Variants in KCNMB2 observed in about 807,000 individuals in gnomAD.
KCNMB2 encodes the protein potassium calcium-activated channel subfamily M regulatory beta subunit 2.
Under a neutral mutation model 24.5 loss-of-function variants are expected in KCNMB2, and 9 were observed. That is an observed-to-expected ratio of 0.37 (90% CI 0.22 to 0.64). KCNMB2 has a LOEUF of 0.64. KCNMB2 is among the 30% of genes least tolerant of loss of function. The pLI is 0.63. For missense variants in KCNMB2, 226 were observed against 284.3 expected (o/e 0.79, Z 1.47); for synonymous variants, 109 against 104.4 (o/e 1.04, Z -0.27).
intron 1 of KCNMB2, among the ~76,000 whole-genome samples, chr3:178,683,991 C>G (rs1054432905): frequency 6.6e-6 from 1 of 152,146 alleles, no homozygotes; most frequent in Admixed American, 6.5e-5. Flanking sequence ...TGGAGATACT[C>G]ACTGCTATAC....
chr3:178,741,237 C>G (rs865929588), intron 1 of KCNMB2, among the ~76,000 whole-genome samples: 2 of 152,170 alleles, frequency 1.3e-5, no homozygotes, highest in Non-Finnish European at 2.9e-5. Context: ...AGATATTTAA[C>G]CTTGCTCACT....
intron 1 of KCNMB2, among the ~76,000 whole-genome samples, chr3:178,781,199 T>C (rs1453856259): frequency 4.1e-5 from 6 of 147,960 alleles, no homozygotes; most frequent in African/African-American, 1.5e-4. Context: ...TTTAAAATTA[T>C]ATATGTGACA....
chr3:178,541,223 T>C (rs1715605439), intron 1 of KCNMB2, among the ~76,000 whole-genome samples: 2 of 152,156 alleles, frequency 1.3e-5, no homozygotes, highest in Non-Finnish European at 2.9e-5. Context: ...TCAAAGCAAA[T>C]AAAAATTCAA....
chr3:178,690,320 C>CA lies in KCNMB2; in HGVS notation c.-67-117013dup, dbSNP rs1019940102. Reference sequence around the variant, plus strand: ...TATTCATCAAATCATAGTGCTAGGGCAAAAAAAAAAGCCTCCAAAAATAAC... The same window carrying CA: ...TATTCATCAAATCATAGTGCTAGGGCAAAAAAAAAAAGCCTCCAAAAATAAC... On this transcript the variant is annotated intron_variant, in intron 1 of 4. Transcript: ENST00000452583. Among the ~76,000 whole-genome samples, 656 of 143,856 alleles carry CA rather than the reference C, an allele frequency of 4.6e-3. 3 individuals carry two copies. The highest frequency in any genetic ancestry group is 0.014 in the African/African-American group (575 of 39,972). 94.4% of individuals were successfully genotyped at this position (143,856 alleles called of 152,430 possible).
chr3:178,624,487 A>T (rs1434348639), intron 1 of KCNMB2, among the ~76,000 whole-genome samples: 1 of 152,052 alleles, frequency 6.6e-6, no homozygotes, highest in Non-Finnish European at 1.5e-5. Flanking sequence ...GAGACAACAC[A>T]TTATTTATCA....
chr3:178,616,630 A>G (rs192985746), intron 1 of KCNMB2, among the ~76,000 whole-genome samples: 4 of 152,274 alleles, frequency 2.6e-5, no homozygotes, highest in South Asian at 2.1e-4. Flanking sequence ...ACCAGGTACT[A>G]TGAGTGCTCA....
chr3:178,629,352 A>G (rs1275780412), intron 1 of KCNMB2, among the ~76,000 whole-genome samples: 1 of 152,228 alleles, frequency 6.6e-6, no homozygotes, highest in Non-Finnish European at 1.5e-5. Flanking sequence ...GGAAAAATTA[A>G]CAGGGAAAAA....
intron 1 of KCNMB2, chr3:178,559,125 A>T (rs890133063): frequency 6.6e-6 from 1 of 152,224 alleles, no homozygotes; most frequent in African/African-American, 2.4e-5. Flanking sequence ...TAAAATGATT[A>T]CATGATGGAA....
chr3:178,830,146 T>C (rs1055476654), intron 4 of KCNMB2, among the ~76,000 whole-genome samples: 2 of 152,204 alleles, frequency 1.3e-5, no homozygotes, highest in Admixed American at 6.6e-5. Flanking sequence ...CCTAAGGATA[T>C]ATCCTTAAAC....
At chr3:178,669,773 G>A (rs778123721) in intron 1 of KCNMB2, among the ~76,000 whole-genome samples, 4 of 152,012 alleles carry the variant, frequency 2.6e-5, no homozygotes, top group Non-Finnish European at 5.9e-5. Context: ...ACTTTTGGAT[G>A]TTTTGGAAAA....
intron 1 of KCNMB2, among the ~76,000 whole-genome samples, chr3:178,684,820 A>G (rs1721404441): frequency 6.6e-6 from 1 of 152,190 alleles, no homozygotes; most frequent in African/African-American, 2.4e-5. Flanking sequence ...AACAAGAGCG[A>G]AACTCCGTCT....
At chr3:178,720,280 TTCATCCATG>T (rs1187242464) in intron 1 of KCNMB2, among the ~76,000 whole-genome samples, 6 of 150,400 alleles carry the variant, frequency 4.0e-5, no homozygotes, top group African/African-American at 1.5e-4. Context: ...GATTTCCAAT[TTCATCCATG>T]TCCCTACAAA....
chr3:178,602,569 G>A (rs956704750), intron 1 of KCNMB2, among the ~76,000 whole-genome samples: 4 of 148,420 alleles, frequency 2.7e-5, no homozygotes, highest in Non-Finnish European at 6.1e-5. Context: ...GGGAGGTTCG[G>A]GGGTGGGGGG....
At chr3:178,685,711 C>A (rs4295149) in intron 1 of KCNMB2, among the ~76,000 whole-genome samples, 1 of 152,130 alleles carries the variant, frequency 6.6e-6, no homozygotes, top group Non-Finnish European at 1.5e-5. Flanking sequence ...TTCCTCACCA[C>A]GAAGTTAATC....
chr3:178,652,947 G>A (rs1720185556), intron 1 of KCNMB2, among the ~76,000 whole-genome samples: 1 of 152,116 alleles, frequency 6.6e-6, no homozygotes, highest in African/African-American at 2.4e-5. Context: ...ACAGGCGTGA[G>A]CCACTGCTCC....
intron 1 of KCNMB2, among the ~76,000 whole-genome samples, chr3:178,671,403 G>A (rs1361309317): frequency 6.6e-6 from 1 of 152,034 alleles, no homozygotes; most frequent in African/African-American, 2.4e-5. Flanking sequence ...CTAGAAAGAG[G>A]GTCCAAACAC....
intron 1 of KCNMB2, among the ~76,000 whole-genome samples, chr3:178,707,158 C>A (rs957664661): frequency 1.3e-5 from 2 of 152,018 alleles, no homozygotes; most frequent in African/African-American, 4.8e-5. Flanking sequence ...ATTTCAGGGC[C>A]TCTGGTATAA....
intron 1 of KCNMB2, among the ~76,000 whole-genome samples, chr3:178,638,737 G>A (rs1224946338): frequency 1.3e-5 from 2 of 152,148 alleles, no homozygotes; most frequent in Non-Finnish European, 2.9e-5. Context: ...TTTTGACCAG[G>A]AAGTATTTTC....
At chr3:178,727,506 G>GT (rs1036367348) in intron 1 of KCNMB2, among the ~76,000 whole-genome samples, 1 of 152,108 alleles carries the variant, frequency 6.6e-6, no homozygotes, top group Non-Finnish European at 1.5e-5. Flanking sequence ...AAATTATCTT[G>GT]TATTATCCTT....
Sources: allele counts gnomAD v4.1 joint callset (sites outside exome capture counted in the v4.1 genomes callset), GRCh38; gene constraint gnomAD v4.1.1; transcripts MANE v1.5; gene names NCBI Gene and HGNC (gene_info 2026-07-23, HGNC 2026-07-21).